Variants in KCNIP1 observed in about 807,000 individuals in gnomAD.
KCNIP1 encodes the protein potassium voltage-gated channel interacting protein 1.
In KCNIP1, 18 loss-of-function variants were observed where a neutral mutation model predicts 33.0. The ratio of observed to expected loss-of-function variants is 0.55; its 90% confidence interval spans 0.38 to 0.81. KCNIP1 has a LOEUF of 0.81. Ranked by LOEUF, KCNIP1 falls within the 30% of genes least tolerant of loss-of-function variation. KCNIP1 has a pLI of 0.00. For synonymous variants in KCNIP1, 93 were observed against 98.3 expected (o/e 0.95, Z 0.32); for missense variants, 238 against 271.6 (o/e 0.88, Z 0.87).
intron 1 of KCNIP1, among the ~76,000 whole-genome samples, chr5:170,545,053 TGTCA>T (rs999068354): frequency 1.3e-5 from 2 of 152,198 alleles, no homozygotes; most frequent in African/African-American, 4.8e-5. Context: ...TGTCCTTTAG[TGTCA>T]GTGTGATGGC....
chr5:170,458,119 T>C (rs759519886), intron 1 of KCNIP1, among the ~76,000 whole-genome samples: 9 of 152,086 alleles, frequency 5.9e-5, no homozygotes, highest in Non-Finnish European at 1.0e-4. Flanking sequence ...AGACAAGGTT[T>C]TAGAATGAAC....
chr5:170,607,540 A>C lies in KCNIP1; in HGVS notation c.61+102907A>C, dbSNP rs563271371. Among the ~76,000 whole-genome samples the C allele has an allele frequency of 1.4e-4, 22 of 152,318 alleles. No homozygotes were observed. In the South Asian group the frequency reaches 2.9e-3, roughly 20 times the overall value. ...AGGTGCTGAGAGGTCATGATCTCCCAGCAGTGAGTGACAGAGCCTGAGGTG... is the reference window on the plus strand; with the variant it reads ...AGGTGCTGAGAGGTCATGATCTCCCCGCAGTGAGTGACAGAGCCTGAGGTG... On this transcript the variant is annotated intron_variant, in intron 1 of 7. Coordinates refer to ENST00000328939, the MANE Select transcript of KCNIP1 (RefSeq NM_014592.4).
intron 1 of KCNIP1, among the ~76,000 whole-genome samples, chr5:170,474,118 T>C (rs1028568957): frequency 1.3e-5 from 2 of 152,126 alleles, no homozygotes; most frequent in African/African-American, 2.4e-5. Flanking sequence ...GTAAAAGAAA[T>C]TTACATCTAT....
intron 1 of KCNIP1, among the ~76,000 whole-genome samples, chr5:170,625,467 C>T (rs1024946603): frequency 3.3e-5 from 5 of 152,222 alleles, no homozygotes; most frequent in Admixed American, 2.6e-4. Flanking sequence ...TCCGGCTCCC[C>T]ATCGCTGGGC....
intron 1 of KCNIP1, among the ~76,000 whole-genome samples, chr5:170,484,684 T>C (rs10062404): frequency 0.33 from 50,025 of 149,490 alleles, 10,876 homozygotes; most frequent in African/African-American, 0.6. Context: ...TCCCCTTCTC[T>C]CTCTCCTCCC....
chr5:170,555,138 A>G (rs1756800489), intron 1 of KCNIP1, among the ~76,000 whole-genome samples: 2 of 152,126 alleles, frequency 1.3e-5, no homozygotes, highest in South Asian at 4.2e-4. Context: ...CCACCACTAA[A>G]CAACTGCCTG....
chr5:170,440,201 G>A (rs185429161), intron 1 of KCNIP1, among the ~76,000 whole-genome samples: 200 of 152,306 alleles, frequency 1.3e-3, no homozygotes, highest in Admixed American at 3.1e-3. Flanking sequence ...CCAACCTGCT[G>A]ACACCTTCAT....
At chr5:170,606,218 T>A (rs1758913353) in intron 1 of KCNIP1, among the ~76,000 whole-genome samples, 1 of 152,152 alleles carries the variant, frequency 6.6e-6, no homozygotes, top group African/African-American at 2.4e-5. Context: ...CATGTACAAG[T>A]TTTTATTTGA....
chr5:170,720,390 G>C lies in KCNIP1; in HGVS notation c.256G>C (p.Asp86His). 1 of 1,612,634 alleles carries C rather than the reference G, an allele frequency of 6.2e-7. No homozygotes were observed. Among genetic ancestry groups the C allele is most frequent in the Non-Finnish European group, 8.5e-7 (1 of 1,178,620 alleles). Residue 86 changes from aspartate to histidine, a missense_variant and splice_region_variant, in exon 3 of 8, where the codon GAT (aspartate) becomes CAT (histidine). By Grantham distance (81) the Asp-to-His change is moderately conservative. Transcript: ENST00000328939. ...CTATGCTCAGTTTTTCCCTCATGGA[G>C]GTGAGTCTGACCTTGAAATCTATCT... ...QIYAQFFPHGDASTYAHYLFN... is the reference protein window; with the variant it reads ...QIYAQFFPHGHASTYAHYLFN...
chr5:170,380,673 C>T (rs1041115399), intron 1 of KCNIP1, among the ~76,000 whole-genome samples: 4 of 152,226 alleles, frequency 2.6e-5, no homozygotes, highest in African/African-American at 9.6e-5. Flanking sequence ...TTGGACACTG[C>T]CAGGTCCTCA....
chr5:170,533,465 T>G (rs1755857005), intron 1 of KCNIP1, among the ~76,000 whole-genome samples: 1 of 152,208 alleles, frequency 6.6e-6, no homozygotes, highest in African/African-American at 2.4e-5. Context: ...GAGGCCATGA[T>G]GCCAGGATCC....
intron 1 of KCNIP1, among the ~76,000 whole-genome samples, chr5:170,656,667 G>A (rs1761276811): frequency 6.6e-6 from 1 of 152,212 alleles, no homozygotes; most frequent in South Asian, 2.1e-4. Context: ...GCAGAGAGCA[G>A]AGTGGACATG....
At chr5:170,627,606 A>G (rs1243147697) in intron 1 of KCNIP1, among the ~76,000 whole-genome samples, 1 of 152,246 alleles carries the variant, frequency 6.6e-6, no homozygotes, top group Non-Finnish European at 1.5e-5. Flanking sequence ...GAGATGGCTC[A>G]TGGGTGACCC....
At chr5:170,475,206 G>C (rs914870588) in intron 1 of KCNIP1, among the ~76,000 whole-genome samples, 2 of 152,168 alleles carry the variant, frequency 1.3e-5, no homozygotes, top group Admixed American at 6.5e-5. Flanking sequence ...AGTTCTTCAA[G>C]TCCCCACCCG....
chr5:170,720,812 T>G (rs1448488354), intron 3 of KCNIP1, among the ~76,000 whole-genome samples: 1 of 152,270 alleles, frequency 6.6e-6, no homozygotes, highest in African/African-American at 2.4e-5. Context: ...TTTGAATCTT[T>G]TCCTTAAAAT....
rs145835332 is a variant in KCNIP1 at position 170,463,031 on chromosome 5, G to A, written c.88+109067G>A. 9.7e-3 allele frequency among the ~76,000 whole-genome samples: 1,474 copies of A among 152,038 alleles called. 12 individuals are homozygous for A. Among genetic ancestry groups the A allele is most frequent in the African/African-American group, 0.024 (982 of 41,440 alleles). On this transcript the variant is annotated intron_variant, in intron 1 of 7. Transcript: ENST00000377360. ...AAATATGGTGCAGTATATACTGCTC[G>A]GGTGATGGGTGCACCAAAATCTCAC...
chr5:170,579,950 G>A (rs1323986217), intron 1 of KCNIP1, among the ~76,000 whole-genome samples: 2 of 151,662 alleles, frequency 1.3e-5, no homozygotes, highest in Non-Finnish European at 2.9e-5. Flanking sequence ...AATGCCCTGG[G>A]ATGAACAGCC....
intron 1 of KCNIP1, among the ~76,000 whole-genome samples, chr5:170,588,803 G>A (rs1758096864): frequency 6.6e-6 from 1 of 152,136 alleles, no homozygotes; most frequent in Non-Finnish European, 1.5e-5. Flanking sequence ...AAAGGGACAT[G>A]TAGTGCAGGG....
chr5:170,384,577 G>A (rs1270017005), intron 1 of KCNIP1, among the ~76,000 whole-genome samples: 1 of 152,202 alleles, frequency 6.6e-6, no homozygotes. Flanking sequence ...CAACTCCCAA[G>A]TATCCTGTGG....
Sources: gnomAD v4.1 joint callset for allele counts (sites outside exome capture counted in the v4.1 genomes callset) on GRCh38, gnomAD v4.1.1 for gene constraint, MANE v1.5 for transcripts, NCBI Gene and HGNC (gene_info 2026-07-23, HGNC 2026-07-21) for gene names.